DNAJC15: variants seen among roughly 807,000 people sequenced by gnomAD.
DNAJC15 encodes dnaJ homolog subfamily C member 15.
Under a neutral mutation model 22.4 loss-of-function variants are expected in DNAJC15, and 27 were observed. The observed-to-expected ratio is 1.20, with a 90% CI of 0.89 to 1.66. The LOEUF (loss-of-function observed/expected upper bound fraction) is 1.66. Ranked by LOEUF, DNAJC15 falls within the 40% of genes most tolerant of loss-of-function variation. The probability of loss-of-function intolerance (pLI) is 0.00; values close to 1 mark genes in which losing one functional copy is unlikely to be tolerated. For synonymous variants in DNAJC15, 79 were observed against 63.2 expected, an observed-to-expected ratio of 1.25 and a Z score of -1.19; for missense variants, 208 against 187.1, an observed-to-expected ratio of 1.11 and a Z score of -0.65.
chr13:43,056,006 A>T (rs565536023), intron 1 of DNAJC15, among the ~76,000 whole-genome samples: 1 of 152,112 alleles, frequency 6.6e-6, no homozygotes, highest in Non-Finnish European at 1.5e-5. Flanking sequence ...CCCAAAGATC[A>T]TTCAGGAGCA....
At chr13:43,107,097 AAG>A (rs1026443557) in intron 5 of DNAJC15, 79 bp from the exon 6 acceptor site, 89 of 1,109,518 alleles carry the variant, frequency 8.0e-5, no homozygotes, top group East Asian at 3.3e-4. Context: ...ATATTCAAAA[AAG>A]AGTATTTTTA....
intron 5 of DNAJC15, among the ~76,000 whole-genome samples, chr13:43,088,312 C>T (rs183333843): frequency 3.9e-5 from 6 of 152,260 alleles, no homozygotes; most frequent in East Asian, 1.9e-4. Flanking sequence ...ACACCTTTGC[C>T]GTAGCTTGAG....
chr13:43,084,516 C>T (rs1593326514), intron 4 of DNAJC15, among the ~76,000 whole-genome samples: 1 of 152,162 alleles, frequency 6.6e-6, no homozygotes, highest in East Asian at 1.9e-4. Flanking sequence ...TGTTGTGGTT[C>T]ATCCATGCAA....
chr13:43,045,805 T>C (rs545636650), intron 1 of DNAJC15, among the ~76,000 whole-genome samples: 2 of 152,274 alleles, frequency 1.3e-5, no homozygotes, highest in East Asian at 3.9e-4. Context: ...TACAAACACA[T>C]ACCTACTTCT....
chr13:43,094,564 A>G (rs963337432), intron 5 of DNAJC15, among the ~76,000 whole-genome samples: 4 of 152,114 alleles, frequency 2.6e-5, no homozygotes, highest in Non-Finnish European at 5.9e-5. Flanking sequence ...TCTCCTTAGC[A>G]TTTTGAAACT....
chr13:43,062,828 C>G (rs1452953597), intron 1 of DNAJC15, among the ~76,000 whole-genome samples: 1 of 151,990 alleles, frequency 6.6e-6, no homozygotes, highest in Non-Finnish European at 1.5e-5. Context: ...AAGTGATTCT[C>G]CTGCCTCAGC....
intron 1 of DNAJC15, among the ~76,000 whole-genome samples, chr13:43,036,366 C>A (rs2040428976): frequency 6.6e-6 from 1 of 152,056 alleles, no homozygotes; most frequent in South Asian, 2.1e-4. Context: ...GTGGGTAGCT[C>A]CTATCTGCAG....
intron 1 of DNAJC15, among the ~76,000 whole-genome samples, chr13:43,049,356 A>C (rs2040492660): frequency 6.6e-6 from 1 of 152,250 alleles, no homozygotes. Flanking sequence ...ATACATCTTC[A>C]TGTTTACAAC....
At chr13:43,034,611 A>G (rs12429857) in intron 1 of DNAJC15, among the ~76,000 whole-genome samples, 107,999 of 150,726 alleles carry the variant, frequency 0.72, 39,534 homozygotes, top group Non-Finnish European at 0.8. Flanking sequence ...CACCGCACCC[A>G]GCCGAGATTG....
intron 5 of DNAJC15, among the ~76,000 whole-genome samples, chr13:43,100,937 T>C (rs2040765777): frequency 6.6e-6 from 1 of 152,216 alleles, no homozygotes; most frequent in Admixed American, 6.5e-5. Flanking sequence ...TGCTCTATTG[T>C]TAGGTGCACA....
At chr13:43,038,073 A>AT (rs2040436863) in intron 1 of DNAJC15, among the ~76,000 whole-genome samples, 2 of 152,010 alleles carry the variant, frequency 1.3e-5, no homozygotes, top group African/African-American at 4.8e-5. Flanking sequence ...GATTGTTTCC[A>AT]TTTTTTTGTA....
At chr13:43,057,838 G>A (rs1013752069) in intron 1 of DNAJC15, among the ~76,000 whole-genome samples, 13 of 152,120 alleles carry the variant, frequency 8.5e-5, no homozygotes, top group African/African-American at 2.7e-4. Context: ...TTGGGCTTCC[G>A]GAGAGCCAGA....
At chr13:43,045,935 A>G (rs2040475304) in intron 1 of DNAJC15, among the ~76,000 whole-genome samples, 1 of 152,084 alleles carries the variant, frequency 6.6e-6, no homozygotes, top group African/African-American at 2.4e-5. Flanking sequence ...GAGGATAGGG[A>G]TTTTGTCTGA....
At chr13:43,094,069 A>G (rs2040728115) in intron 5 of DNAJC15, among the ~76,000 whole-genome samples, 1 of 152,240 alleles carries the variant, frequency 6.6e-6, no homozygotes, top group Non-Finnish European at 1.5e-5. Context: ...CCTTGCTATT[A>G]AACCAGAACT....
chr13:43,090,680 C>T (rs2040710068), intron 5 of DNAJC15, among the ~76,000 whole-genome samples: 1 of 149,786 alleles, frequency 6.7e-6, no homozygotes, highest in African/African-American at 2.4e-5. Context: ...ACTTTCTGAA[C>T]GTTTGTGTAA....
intron 1 of DNAJC15, among the ~76,000 whole-genome samples, chr13:43,048,091 A>G (rs2040485707): frequency 6.6e-6 from 1 of 152,208 alleles, no homozygotes; most frequent in Non-Finnish European, 1.5e-5. Context: ...AAGTTTTTAA[A>G]TCCAAAATAT....
At chr13:43,093,483 T>C (rs901896694) in intron 5 of DNAJC15, among the ~76,000 whole-genome samples, 1 of 152,194 alleles carries the variant, frequency 6.6e-6, no homozygotes, top group Non-Finnish European at 1.5e-5. Context: ...TGATCACAGC[T>C]CACTTCAGCC....
At chr13:43,027,662 C>CT (rs34592061) in intron 1 of DNAJC15, among the ~76,000 whole-genome samples, 45,475 of 147,432 alleles carry the variant, frequency 0.31, 6,913 homozygotes, top group African/African-American at 0.36. Context: ...ATATTTTTAA[C>CT]TTTTTTTTTT....
intron 1 of DNAJC15, among the ~76,000 whole-genome samples, chr13:43,065,365 G>T (rs1051362328): frequency 2.6e-5 from 4 of 151,992 alleles, no homozygotes; most frequent in Admixed American, 2.6e-4. Context: ...CTTTATAGAA[G>T]ATAAATATAT....
Sources: allele counts gnomAD v4.1 joint callset (sites outside exome capture counted in the v4.1 genomes callset), GRCh38; gene constraint gnomAD v4.1.1; transcripts MANE v1.5; gene names NCBI Gene and HGNC (gene_info 2026-07-23, HGNC 2026-07-21).